The following CAMTA2 variants were observed in gnomAD, a reference collection of about 807,000 sequenced individuals.
CAMTA2 encodes calmodulin binding transcription activator 2.
Under a neutral mutation model 135.7 loss-of-function variants are expected in CAMTA2, and 56 were observed. That is an observed-to-expected ratio of 0.41 (90% CI 0.33 to 0.52). The LOEUF is 0.52. Ranked by LOEUF, CAMTA2 falls within the 20% of genes least tolerant of loss-of-function variation. The pLI is 0.16. For missense variants in CAMTA2, 1,358 were observed against 1,553.4 expected (o/e 0.87, Z 2.11); for synonymous variants, 591 against 604.6 (o/e 0.98, Z 0.33).
intron 2 of CAMTA2, 100 bp from the exon 3 acceptor site, chr17:4,986,083 A>T (rs560175163): frequency 1.8e-6 from 2 of 1,118,502 alleles, no homozygotes; most frequent in East Asian, 2.3e-5. Context: ...CACTGGGGAA[A>T]ACTGAAACCT....
rs1269359994 is a variant in CAMTA2, at chr17:4,977,200, G to C, written c.1766-8C>G. The C allele has an allele frequency of 1.9e-6, 3 of 1,612,634 alleles. No homozygotes were observed. Among genetic ancestry groups the C allele is most frequent in the Non-Finnish European group, 2.5e-6 (3 of 1,179,180 alleles). On this transcript the variant is annotated splice_polypyrimidine_tract_variant and splice_region_variant and intron_variant, in intron 10 of 22. Coordinates refer to ENST00000348066, the MANE Select transcript of CAMTA2 (RefSeq NM_015099.4). ...CCAGCCCTACCTCATGGGCTGGAGA[G>C]GGTAGGATCAGCGAGAAGGGCTCTC...
intron 16 of CAMTA2, 85 bp downstream of exon 16, chr17:4,972,146 CA>C (rs1972330002): frequency 8.3e-7 from 1 of 1,201,028 alleles, no homozygotes; most frequent in African/African-American, 1.5e-5. Context: ...AAACTGAAGC[CA>C]GACTTTGATT....
At chr17:4,976,959 G>T in intron 11 of CAMTA2, 99 bp downstream of exon 11, 1 of 1,178,036 alleles carries the variant, frequency 8.5e-7, no homozygotes, top group South Asian at 1.7e-5. Flanking sequence ...GGTAAAGTGG[G>T]GGCTCAGTGA....
chr17:4,975,630 G>A (rs171133), intron 11 of CAMTA2, among the ~76,000 whole-genome samples: 150,354 of 152,262 alleles, frequency 0.99, 74,241 homozygotes, highest in East Asian at 1. Flanking sequence ...CAACACACTC[G>A]GGCTTTGTGT....
intron 11 of CAMTA2, 75 bp from the exon 12 acceptor site, chr17:4,974,575 C>G: frequency 3.5e-6 from 3 of 866,506 alleles, no homozygotes; most frequent in Non-Finnish European, 6.0e-6. Flanking sequence ...AGACCTGTCC[C>G]AAGATCTGGG....
At chr17:4,985,140 C>G (rs1973188974) in intron 3 of CAMTA2, among the ~76,000 whole-genome samples, 1 of 152,068 alleles carries the variant, frequency 6.6e-6, no homozygotes, top group Non-Finnish European at 1.5e-5. Flanking sequence ...GAGCCAAGAT[C>G]GCGCCATTGT....
At chr17:4,971,854 A>G (rs1476221330) in intron 16 of CAMTA2, among the ~76,000 whole-genome samples, 1 of 151,726 alleles carries the variant, frequency 6.6e-6, no homozygotes, top group Non-Finnish European at 1.5e-5. Flanking sequence ...GTGCCCAGTT[A>G]ATTTTTGTAT....
At position 4,986,212 on chromosome 17, in the gene CAMTA2, T is replaced by C. The variant is rs200260795; in HGVS notation, c.11A>G (p.Lys4Arg). The change falls in exon 2 of 23, where the codon AAG becomes AGG. Residue 4 changes from lysine (K) to arginine (R), a missense_variant. By Grantham distance (26) the Lys-to-Arg change is conservative. Transcript: ENST00000348066. The part of the protein sequence containing the change: MNT[K>R]DTTEVAENSH... ...CTTACCAGCAACCTCGGTGGTGTCC[T>C]TGGTATTCATGGTGAGGGCTCCAGG... 1.3e-5 allele frequency: 21 copies of C among 1,606,754 alleles called. No homozygotes were observed. In the East Asian group the frequency reaches 4.7e-4, roughly 36 times the overall value.
intron 16 of CAMTA2, among the ~76,000 whole-genome samples, chr17:4,971,571 C>T (rs191152590): frequency 1.3e-5 from 2 of 152,294 alleles, no homozygotes; most frequent in Admixed American, 1.3e-4. Context: ...TCTCAAGCCC[C>T]TGTTCTCAAG....
At chr17:4,982,917 A>C in intron 4 of CAMTA2, 25 bp from the exon 5 acceptor site, 1 of 1,614,114 alleles carries the variant, frequency 6.2e-7, no homozygotes, top group Non-Finnish European at 8.5e-7. Flanking sequence ...GTTGCCCTGG[A>C]GTTCTGTGAA....
Position 4,969,811 on chromosome 17 carries a change from C to T in CAMTA2, c.3189+91G>A. 6.3e-7 allele frequency: 1 copy of T among 1,590,974 alleles called. No homozygotes were observed. Among genetic ancestry groups the T allele is most frequent in the Admixed American group, 1.7e-5 (1 of 59,694 alleles). ...ACCCTTTACCCCATCCAAGGCCTGT[C>T]TGCACGACTACTCATCCTCCAAAAG... On this transcript the variant is annotated intron_variant, in intron 18 of 22. Coordinates refer to ENST00000348066, the MANE Select transcript of CAMTA2 (RefSeq NM_015099.4). This position sits in a 1 kb window ranked among gnomAD's most constrained non-coding sequence, Gnocchi z 5.6.
In CAMTA2 at chr17:4,978,555, C is replaced by T. The variant is rs370048745; in HGVS notation, c.1714G>A (p.Ala572Thr). ...EHYSCVFDHI[A>T]VPASLVQPGV... ...GGCTGGACAAGTGAGGCTGGCACTG[C>T]GATGTGATCAAAGACACAGGAGTAA... is the stretch of plus-strand genomic sequence containing the variant. The change falls in exon 10 of 23, where the codon GCA becomes ACA. Residue 572 changes from alanine to threonine, a missense_variant. Coordinates refer to ENST00000348066, the MANE Select transcript of CAMTA2 (RefSeq NM_015099.4). The T allele has an allele frequency of 9.3e-6, 15 of 1,613,970 alleles. No homozygotes were observed. The highest frequency in any genetic ancestry group is 2.2e-5 in the East Asian group (1 of 44,898).
chr17:4,980,306 G>A lies in CAMTA2; in HGVS notation c.1016C>T (p.Thr339Met), dbSNP rs769703430. The A allele has an allele frequency of 2.6e-5, 42 of 1,612,192 alleles. No individual in the cohort carries two copies. Among genetic ancestry groups the A allele is most frequent in the Admixed American group, 6.7e-5 (4 of 59,816 alleles). The stretch of plus-strand genomic sequence containing the variant: ...CTGTGGAGCCAAGTGCCTGGTGGGC[G>A]TCAAGCCTCCAGCCCGCTGCTCCAG... ...TGLEQRAGGL[T>M]PTRHLAPQAD... The change falls in exon 9 of 23, where the codon ACG becomes ATG. Residue 339 changes from threonine (T) to methionine (M), a missense_variant. Transcript: ENST00000348066. The surrounding 1 kb of genome is among the most constrained non-coding windows in gnomAD (Gnocchi z 5.3).
intron 1 of CAMTA2, 53 bp downstream of exon 1, chr17:4,987,540 C>T: frequency 6.7e-7 from 1 of 1,483,996 alleles, no homozygotes; most frequent in Non-Finnish European, 8.9e-7. Context: ...CCTGGAGGAG[C>T]TGCGCCCTCT....
chr17:4,970,459 C>G lies in CAMTA2; in HGVS notation c.2886G>C (p.Leu962=). ...CCCGCATTGAGGCTCCAGCCTCGGG[C>G]AGCCCCACGAAGTCCTCTCGTTTAA... ...ERIKREDFVG[L]PEAGASMRER... Residue 962 remains leucine (L), a synonymous_variant, in exon 17 of 23, where the codon CTG becomes CTC. Transcript: ENST00000348066. The G allele has an allele frequency of 6.2e-7, 1 of 1,614,216 alleles. No individual in the cohort carries two copies. Among genetic ancestry groups the G allele is most frequent in the Non-Finnish European group, 8.5e-7 (1 of 1,180,038 alleles).
intron 12 of CAMTA2, chr17:4,974,107 G>A: frequency 1.9e-6 from 1 of 529,278 alleles, no homozygotes; most frequent in East Asian, 3.4e-5. Context: ...ACAGAGATCT[G>A]AGCCCCAGTG....
In CAMTA2 at chr17:4,969,003, G is replaced by A; in HGVS notation, c.3471-22C>T. 6.2e-7 allele frequency: 1 copy of A among 1,612,640 alleles called. No individual in the cohort carries two copies. Among genetic ancestry groups the A allele is most frequent in the South Asian group, 1.1e-5 (1 of 91,006 alleles). On this transcript the variant is annotated intron_variant, in intron 21 of 22. Transcript: ENST00000348066. The surrounding 1 kb of genome is among the most constrained non-coding windows in gnomAD (Gnocchi z 5.6). ...GCCTCTGGTGAAAGAAACAAAAGATGGACCTCACAGAAGGCATCGCATGCC... is the reference window on the plus strand; with the variant it reads ...GCCTCTGGTGAAAGAAACAAAAGATAGACCTCACAGAAGGCATCGCATGCC...
chr17:4,984,997 A>T (rs1480867105), intron 3 of CAMTA2, among the ~76,000 whole-genome samples: 3 of 144,784 alleles, frequency 2.1e-5, no homozygotes, highest in Non-Finnish European at 4.6e-5. Flanking sequence ...AGCCTGGGCG[A>T]CAGAGCGAGA....
rs1033334161 is a variant in CAMTA2 at position 4,981,906 on chromosome 17, T to C, written c.412-75A>G. 22 of 1,462,378 alleles carry C rather than the reference T, an allele frequency of 1.5e-5. No individual in the cohort carries two copies. In the Admixed American group the frequency reaches 4.9e-4, roughly 32 times the overall value. The allele number at this position is 1,462,378 out of a possible 1,614,324, so 90.6% of individuals were successfully genotyped here. ...GCTTGGCTTCCTAATCCTCACTTTC[T>C]TCCTGGGCACCCTCCTAACCTCGCC... On this transcript the variant is annotated intron_variant, in intron 6 of 22. Coordinates refer to ENST00000348066, the MANE Select transcript of CAMTA2 (RefSeq NM_015099.4).
Sources: allele counts gnomAD v4.1 joint callset (sites outside exome capture counted in the v4.1 genomes callset), GRCh38; gene constraint gnomAD v4.1.1; non-coding constraint Gnocchi (gnomAD v3.1); transcripts MANE v1.5; gene names NCBI Gene and HGNC (gene_info 2026-07-23, HGNC 2026-07-21).